The following AGMO variants were observed in gnomAD, a reference collection of about 807,000 sequenced individuals.
The protein encoded by AGMO is glyceryl-ether monooxygenase.
In AGMO, 75 loss-of-function variants were observed where a neutral mutation model predicts 60.2. That is an observed-to-expected ratio of 1.25 (90% CI 1.03 to 1.51). The LOEUF (loss-of-function observed/expected upper bound fraction) is 1.51. AGMO is among the 40% of genes most tolerant of loss of function. The pLI, the probability that AGMO is intolerant of heterozygous loss-of-function variation, is 0.00. For synonymous variants in AGMO, 261 were observed against 177.1 expected (o/e 1.47, Z -3.76); for missense variants, 763 against 525.5 (o/e 1.45, Z -4.42).
chr7:15,305,646 T>C (rs2128528486), intron 12 of AGMO, among the ~76,000 whole-genome samples: 2 of 152,156 alleles, frequency 1.3e-5, no homozygotes, highest in South Asian at 4.1e-4. Context: ...TTTGGCTGTA[T>C]ATCTGATCTA....
At chr7:15,310,352 G>C (rs1041961430) in intron 12 of AGMO, among the ~76,000 whole-genome samples, 17 of 151,856 alleles carry the variant, frequency 1.1e-4, no homozygotes, top group African/African-American at 3.9e-4. Flanking sequence ...GGAGTAAGGG[G>C]CCCCTGCAAA....
chr7:15,353,774 G>A (rs1782347085), intron 12 of AGMO, among the ~76,000 whole-genome samples: 1 of 152,140 alleles, frequency 6.6e-6, no homozygotes, highest in Non-Finnish European at 1.5e-5. Context: ...ATTTGCAAAA[G>A]CAACTGCACT....
chr7:15,131,256 G>A, the AGMO span, among the ~76,000 whole-genome samples: 1 of 152,086 alleles, frequency 6.6e-6, no homozygotes, highest in Admixed American at 6.6e-5. Context: ...AGGGCATAAA[G>A]TTGCTGAATT....
intron 2 of AGMO, among the ~76,000 whole-genome samples, chr7:15,554,932 C>T (rs1785082538): frequency 6.6e-6 from 1 of 151,824 alleles, no homozygotes; most frequent in African/African-American, 2.4e-5. Context: ...GATAATTAAG[C>T]TGAATGAGCC....
At chr7:15,395,927 A>AT (rs1172160275) in intron 5 of AGMO, 2 of 152,194 alleles carry the variant, frequency 1.3e-5, no homozygotes, top group African/African-American at 4.8e-5. Context: ...AGCTTGTGGC[A>AT]TCACATCCCC....
At chr7:15,365,943 CTTCA>C (rs2128561560) in intron 11 of AGMO, among the ~76,000 whole-genome samples, 193 bp downstream of exon 11, 1 of 152,136 alleles carries the variant, frequency 6.6e-6, no homozygotes, top group African/African-American at 2.4e-5. Flanking sequence ...TGTCTTCATA[CTTCA>C]TTCATTTAAA....
intron 12 of AGMO, among the ~76,000 whole-genome samples, chr7:15,217,778 G>A (rs1403751629): frequency 6.6e-6 from 1 of 151,952 alleles, no homozygotes; most frequent in Non-Finnish European, 1.5e-5. Context: ...GAGAAGAATG[G>A]TGGAGAGGAA....
chr7:15,206,565 A>G (rs1467725764), intron 12 of AGMO, among the ~76,000 whole-genome samples: 1 of 152,102 alleles, frequency 6.6e-6, no homozygotes, highest in African/African-American at 2.4e-5. Context: ...TAGTTTATAA[A>G]TATATATCAC....
intron 12 of AGMO, among the ~76,000 whole-genome samples, chr7:15,352,246 C>T (rs947931645): frequency 1.3e-5 from 2 of 152,102 alleles, no homozygotes; most frequent in African/African-American, 2.4e-5. Context: ...ACTTCACTTT[C>T]AAAGGCATAT....
chr7:15,198,236 A>AGG (rs1781178016), downstream of AGMO, among the ~76,000 whole-genome samples: 6 of 115,766 alleles, frequency 5.2e-5, no homozygotes, highest in Non-Finnish European at 5.2e-5. Flanking sequence ...AGAGAGAGAG[A>AGG]GAGAGAGAGA....
intron 12 of AGMO, among the ~76,000 whole-genome samples, chr7:15,243,861 G>C (rs1485785968): frequency 6.6e-6 from 1 of 151,944 alleles, no homozygotes; most frequent in Non-Finnish European, 1.5e-5. Context: ...TTATACTCTA[G>C]GCAACTACTT....
intron 12 of AGMO, among the ~76,000 whole-genome samples, chr7:15,322,970 T>C (rs1291990084): frequency 1.8e-5 from 1 of 56,594 alleles, no homozygotes; most frequent in African/African-American, 1.0e-4. Context: ...CGTGTGTGTA[T>C]ATATATATGT....
chr7:15,265,156 A>G (rs1783395150), intron 12 of AGMO, among the ~76,000 whole-genome samples: 1 of 152,172 alleles, frequency 6.6e-6, no homozygotes, highest in Non-Finnish European at 1.5e-5. Flanking sequence ...GTTGGAGGCC[A>G]TTATCCTAAG....
At chr7:15,247,772 T>A (rs1429266267) in intron 12 of AGMO, among the ~76,000 whole-genome samples, 1 of 152,080 alleles carries the variant, frequency 6.6e-6, no homozygotes, top group South Asian at 2.1e-4. Context: ...CATTTTTTCA[T>A]TGAATAAAAA....
intron 5 of AGMO, among the ~76,000 whole-genome samples, chr7:15,396,854 AC>A (rs1195502785): frequency 1.3e-5 from 2 of 151,960 alleles, no homozygotes; most frequent in African/African-American, 4.8e-5. Flanking sequence ...GCGTTTACAA[AC>A]CTTTAGCTAG....
the AGMO span, among the ~76,000 whole-genome samples, chr7:15,175,453 A>G: frequency 1.2e-4 from 19 of 152,098 alleles, no homozygotes; most frequent in South Asian, 1.4e-3. Flanking sequence ...GATAGGGATT[A>G]TGGTGTTTAC....
At chr7:15,391,261 A>G (rs547007989) in intron 6 of AGMO, among the ~76,000 whole-genome samples, 30 of 152,222 alleles carry the variant, frequency 2.0e-4, no homozygotes, top group Non-Finnish European at 2.9e-4. Flanking sequence ...ATAAAATCAG[A>G]AAACGATGTA....
intron 6 of AGMO, among the ~76,000 whole-genome samples, chr7:15,392,544 T>C (rs1227376309): frequency 2.0e-5 from 3 of 151,954 alleles, no homozygotes; most frequent in Admixed American, 2.0e-4. Flanking sequence ...CTCAGGCCTG[T>C]AATCCCAGCA....
intron 3 of AGMO, among the ~76,000 whole-genome samples, chr7:15,477,397 G>T (rs1293680248): frequency 6.6e-6 from 1 of 151,988 alleles, no homozygotes; most frequent in African/African-American, 2.4e-5. Context: ...ACTCTGTCTT[G>T]GTATATGATC....
Sources: allele counts gnomAD v4.1 joint callset (sites outside exome capture counted in the v4.1 genomes callset), GRCh38; gene constraint gnomAD v4.1.1; transcripts MANE v1.5; gene names NCBI Gene and HGNC (gene_info 2026-07-23, HGNC 2026-07-21).